NDST4: variants seen among roughly 807,000 people sequenced by gnomAD.
NDST4 encodes N-heparan sulfate sulfotransferase 4.
NDST4 carries 63 observed loss-of-function variants against 100.8 expected under a neutral mutation model. The observed-to-expected ratio is 0.62, with a 90% CI of 0.51 to 0.77. The LOEUF is 0.77. Ranked by LOEUF, NDST4 falls within the 30% of genes least tolerant of loss-of-function variation. The pLI, the probability that NDST4 is intolerant of heterozygous loss-of-function variation, is 0.00. For missense variants in NDST4, 943 were observed against 1,018.4 expected (o/e 0.93, Z 1.01); for synonymous variants, 377 against 361.8 (o/e 1.04, Z -0.48).
At chr4:114,859,711 C>A (rs112859518) in intron 7 of NDST4, among the ~76,000 whole-genome samples, 1 of 152,130 alleles carries the variant, frequency 6.6e-6, no homozygotes, top group East Asian at 1.9e-4. Context: ...TGCAGGGGTA[C>A]GGAAGACTGA....
intron 4 of NDST4, among the ~76,000 whole-genome samples, chr4:114,942,018 T>A (rs925575816): frequency 6.6e-6 from 1 of 152,192 alleles, no homozygotes. Flanking sequence ...TGCTCAATAC[T>A]TATCCAATAA....
chr4:115,087,713 A>G (rs2126293596), intron 1 of NDST4, among the ~76,000 whole-genome samples: 1 of 152,004 alleles, frequency 6.6e-6, no homozygotes, highest in East Asian at 1.9e-4. Flanking sequence ...ATCATATATA[A>G]TATCATGATA....
At chr4:115,021,231 A>G (rs1272800024) in intron 2 of NDST4, among the ~76,000 whole-genome samples, 1 of 129,410 alleles carries the variant, frequency 7.7e-6, no homozygotes, top group East Asian at 1.9e-4. Context: ...TATTCCACAT[A>G]TATATATTCC....
chr4:114,983,835 T>C (rs1280107504), intron 2 of NDST4, among the ~76,000 whole-genome samples: 1 of 152,106 alleles, frequency 6.6e-6, no homozygotes, highest in Non-Finnish European at 1.5e-5. Flanking sequence ...ATGTGGGGCA[T>C]GGTTGAAGGA....
At chr4:115,015,747 C>T (rs1022486396) in intron 2 of NDST4, among the ~76,000 whole-genome samples, 2 of 152,022 alleles carry the variant, frequency 1.3e-5, no homozygotes, top group Non-Finnish European at 2.9e-5. Context: ...GGCTCATGAA[C>T]AAAGTGGCCA....
chr4:115,107,432 T>C (rs1178901582), intron 1 of NDST4, among the ~76,000 whole-genome samples: 1 of 151,588 alleles, frequency 6.6e-6, no homozygotes, highest in Non-Finnish European at 1.5e-5. Context: ...AGAGACAAAA[T>C]TCAGCTTGTC....
At chr4:115,107,749 A>G (rs1308445936) in intron 1 of NDST4, among the ~76,000 whole-genome samples, 1 of 152,118 alleles carries the variant, frequency 6.6e-6, no homozygotes, top group Non-Finnish European at 1.5e-5. Context: ...ATGGTGCCTG[A>G]CACATATTAA....
At chr4:115,000,264 C>T (rs1179770308) in intron 2 of NDST4, among the ~76,000 whole-genome samples, 1 of 151,374 alleles carries the variant, frequency 6.6e-6, no homozygotes, top group Non-Finnish European at 1.5e-5. Context: ...AGTTAAATGA[C>T]ATAAATTACA....
At chr4:114,878,455 G>A (rs1228228686) in intron 6 of NDST4, among the ~76,000 whole-genome samples, 1 of 152,098 alleles carries the variant, frequency 6.6e-6, no homozygotes, top group Non-Finnish European at 1.5e-5. Context: ...TAAAAAAAGG[G>A]TATCGATTAA....
intron 2 of NDST4, among the ~76,000 whole-genome samples, chr4:115,065,220 G>C (rs1388547583): frequency 6.6e-6 from 1 of 151,840 alleles, no homozygotes; most frequent in Non-Finnish European, 1.5e-5. Context: ...CTCTGTCTTA[G>C]CTACTTTCCA....
At chr4:114,893,497 G>A (rs1185712939) in intron 6 of NDST4, among the ~76,000 whole-genome samples, 3 of 151,330 alleles carry the variant, frequency 2.0e-5, no homozygotes, top group Non-Finnish European at 4.5e-5. Flanking sequence ...GATGATCAGT[G>A]ATGTTGATCT....
At chr4:115,030,252 C>T (rs1205112876) in intron 2 of NDST4, among the ~76,000 whole-genome samples, 1 of 152,016 alleles carries the variant, frequency 6.6e-6, no homozygotes, top group African/African-American at 2.4e-5. Flanking sequence ...GGATGCTTTT[C>T]TAACACAAAT....
In NDST4 at chr4:114,847,583, A is replaced by G. The variant is rs190302656; in HGVS notation, c.1940+632T>C. On this transcript the variant is annotated intron_variant, in intron 9 of 13. Coordinates refer to ENST00000264363, the MANE Select transcript of NDST4 (RefSeq NM_022569.3). ...TTTCTTGAAAAATTGGAATAGAGCT[A>G]GAAAAAATCACCAGAGTGAAAATCA... 6.6e-5 allele frequency among the ~76,000 whole-genome samples: 10 copies of G among 152,212 alleles called. No homozygotes were observed. In the East Asian group the frequency reaches 1.9e-3, roughly 29 times the overall value.
chr4:115,053,185 C>A (rs573489563), intron 2 of NDST4, among the ~76,000 whole-genome samples: 1 of 152,006 alleles, frequency 6.6e-6, no homozygotes, highest in East Asian at 1.9e-4. Flanking sequence ...GAGCAACAAA[C>A]ACAGCTGAAA....
chr4:114,831,962 T>C (rs1723209913), intron 12 of NDST4, among the ~76,000 whole-genome samples: 1 of 152,242 alleles, frequency 6.6e-6, no homozygotes. Context: ...GTTTGAGTTT[T>C]TTTTATTCTA....
At chr4:114,956,317 G>A (rs1726140748) in intron 4 of NDST4, among the ~76,000 whole-genome samples, 1 of 152,124 alleles carries the variant, frequency 6.6e-6, no homozygotes, top group South Asian at 2.1e-4. Flanking sequence ...GATCTGCAAT[G>A]TTCTCCCCAA....
At chr4:115,021,015 A>G (rs1207473853) in intron 2 of NDST4, among the ~76,000 whole-genome samples, 1 of 152,112 alleles carries the variant, frequency 6.6e-6, no homozygotes, top group Non-Finnish European at 1.5e-5. Flanking sequence ...GATTCCTTAA[A>G]GAACTAAAAG....
chr4:114,954,184 T>A (rs1390882670), intron 4 of NDST4, among the ~76,000 whole-genome samples: 2 of 151,984 alleles, frequency 1.3e-5, no homozygotes, highest in Non-Finnish European at 2.9e-5. Context: ...TTGGTTTTTT[T>A]AAACTTAATT....
intron 4 of NDST4, among the ~76,000 whole-genome samples, chr4:114,945,271 A>G (rs1253953301): frequency 6.6e-6 from 1 of 151,724 alleles, no homozygotes; most frequent in Non-Finnish European, 1.5e-5. Flanking sequence ...TCATAAACAT[A>G]CAGGAGTCAT....
Sources: allele counts gnomAD v4.1 joint callset (sites outside exome capture counted in the v4.1 genomes callset), GRCh38; gene constraint gnomAD v4.1.1; transcripts MANE v1.5; gene names NCBI Gene and HGNC (gene_info 2026-07-23, HGNC 2026-07-21).